Variants in PRKCQ observed in about 807,000 individuals in gnomAD.
The protein encoded by PRKCQ is protein kinase C theta, also known as protein kinase C theta type.
Under a neutral mutation model 91.2 loss-of-function variants are expected in PRKCQ, and 41 were observed. The ratio of observed to expected loss-of-function variants is 0.45; its 90% CI spans 0.35 to 0.58. The LOEUF is 0.58. Among genes scored for constraint, PRKCQ ranks in the 20% least tolerant of loss-of-function variants. The pLI is 0.00. For synonymous variants in PRKCQ, 307 were observed against 316.9 expected, an observed-to-expected ratio of 0.97 and a Z score of 0.33; for missense variants, 673 against 896.5, an observed-to-expected ratio of 0.75 and a Z score of 3.18.
chr10:6,423,658 C>A (rs1360147116), downstream of PRKCQ, among the ~76,000 whole-genome samples: 4 of 152,222 alleles, frequency 2.6e-5, no homozygotes, highest in African/African-American at 9.6e-5. Context: ...GTCACCCACA[C>A]TGCGGTGGCA....
intron 15 of PRKCQ, among the ~76,000 whole-genome samples, chr10:6,443,813 A>G (rs1368944664): frequency 6.6e-6 from 1 of 152,196 alleles, no homozygotes; most frequent in African/African-American, 2.4e-5. Flanking sequence ...GGAAAGACAA[A>G]TACTGAATGA....
intron 14 of PRKCQ, among the ~76,000 whole-genome samples, chr10:6,459,050 C>T (rs749942495): frequency 6.6e-6 from 1 of 152,250 alleles, no homozygotes; most frequent in East Asian, 1.9e-4. Context: ...GCAGCCTTGC[C>T]CCTGAAGCTG....
intron 1 of PRKCQ, among the ~76,000 whole-genome samples, chr10:6,560,670 A>G (rs1840594104): frequency 6.6e-6 from 1 of 152,250 alleles, no homozygotes; most frequent in African/African-American, 2.4e-5. Context: ...ATTTGGTCAA[A>G]TATAAATAAT....
In PRKCQ at chr10:6,483,540, G is replaced by A. The variant is rs1836730992; in HGVS notation, c.1079C>T (p.Pro360Leu). 1 of 1,614,056 alleles carries A rather than the reference G, an allele frequency of 6.2e-7. No homozygotes were observed. The highest frequency in any genetic ancestry group is 1.3e-5 in the African/African-American group (1 of 74,912). The stretch of plus-strand genomic sequence containing the variant: ...TCTTTCTTTGTTCAGTTCAGGTTCT[G>A]GAAGATGGCACATTTTATCCACCTC... Reference protein sequence around the residue: ...LDEVDKMCHLPEPELNKERPS... With the variant: ...LDEVDKMCHLLEPELNKERPS... The change falls in exon 11 of 18, where the codon CCA becomes CTA. Residue 360 changes from proline to leucine, a missense_variant. Physicochemically the swap from Pro to Leu is moderately conservative, Grantham distance 98. Transcript: ENST00000263125.
chr10:6,534,727 C>G lies in PRKCQ; in HGVS notation c.-9-19583G>C, dbSNP rs191622692. On this transcript the variant is annotated intron_variant, in intron 1 of 17. Transcript: ENST00000263125. ...ACCAGTGGCTTATTACTTATTGAAA[C>G]AAAGATATTTACAGAATATACTTAA... Among the ~76,000 whole-genome samples the G allele has an allele frequency of 6.7e-3, 986 of 146,650 alleles. 8 individuals are homozygous for G. The highest frequency in any genetic ancestry group is 0.034 in the Middle Eastern group (9 of 268).
chr10:6,441,305 G>T (rs948143645), intron 16 of PRKCQ, among the ~76,000 whole-genome samples: 2 of 152,078 alleles, frequency 1.3e-5, no homozygotes, highest in African/African-American at 4.8e-5. Flanking sequence ...ACTATGCCTG[G>T]CTAATTTTGT....
intron 1 of PRKCQ, among the ~76,000 whole-genome samples, chr10:6,563,711 A>T (rs1840720507): frequency 6.6e-6 from 1 of 152,072 alleles, no homozygotes; most frequent in African/African-American, 2.4e-5. Flanking sequence ...CCACTCTGTC[A>T]TTTACCTATA....
At position 6,512,383 on chromosome 10, in the gene PRKCQ, C is replaced by T. The variant is rs1203948751; in HGVS notation, c.119-1189G>A. ...GTGAGTAAAGGCAGGTAGGCAGGAG[C>T]CCTGGAAATAGTAACAAATCTGTAG... is the stretch of plus-strand genomic sequence containing the variant. On this transcript the variant is annotated intron_variant, in intron 2 of 17. Transcript: ENST00000263125. Among the ~76,000 whole-genome samples the T allele has an allele frequency of 3.3e-5, 5 of 152,308 alleles. No homozygotes were observed. The East Asian group carries it at 9.6e-4, about 29-fold the overall frequency.
intron 12 of PRKCQ, among the ~76,000 whole-genome samples, chr10:6,473,647 G>A (rs1028136604): frequency 1.1e-4 from 17 of 152,198 alleles, no homozygotes; most frequent in Admixed American, 4.6e-4. Flanking sequence ...TGTGGTTTCC[G>A]TGGGTTTTCT....
At position 6,441,933 on chromosome 10, in the gene PRKCQ, G is replaced by A. The variant is rs755445679; in HGVS notation, c.1796C>T (p.Pro599Leu). Residue 599 changes from proline to leucine, a missense_variant, in exon 16 of 18, where the codon CCA becomes CTA. Coordinates refer to ENST00000263125, the MANE Select transcript of PRKCQ (RefSeq NM_006257.5). ...CTTTGCTTCCTTCTCCAGCCACCGT[G>A]GGTAAAAGGGATTGTCCATGCGGAT... The part of the protein sequence containing the change: ...HSIRMDNPFY[P>L]RWLEKEAKDL... The A allele has an allele frequency of 5.0e-6, 8 of 1,612,836 alleles. No individual in the cohort carries two copies. The highest frequency in any genetic ancestry group is 2.7e-5 in the African/African-American group (2 of 74,882).
the PRKCQ span, among the ~76,000 whole-genome samples, chr10:6,396,294 C>T: frequency 1.3e-5 from 2 of 152,188 alleles, no homozygotes; most frequent in African/African-American, 2.4e-5. Context: ...ATACAATTCA[C>T]ACAGCGTAAC....
At chr10:6,572,542 T>C (rs1167257502) in intron 1 of PRKCQ, among the ~76,000 whole-genome samples, 1 of 152,218 alleles carries the variant, frequency 6.6e-6, no homozygotes, top group Non-Finnish European at 1.5e-5. Flanking sequence ...GCTCTATCCA[T>C]GTCCCTGCAA....
rs1011782799 is a variant in PRKCQ at position 6,519,953 on chromosome 10, G to A, written c.-9-4809C>T. Among the ~76,000 whole-genome samples, 155 of 152,086 alleles carry A rather than the reference G, an allele frequency of 1.0e-3. 3 individuals are homozygous for A. The highest frequency in any genetic ancestry group is 2.6e-4 in the Non-Finnish European group (18 of 68,032). ...TACACGCCAAAGACTGTCTCTTCCC[G>A]GTGTGCAAACTGATATTGCCAATAA... On this transcript the variant is annotated intron_variant, in intron 1 of 17. Coordinates refer to ENST00000263125, the MANE Select transcript of PRKCQ (RefSeq NM_006257.5).
chr10:6,578,910 G>A (rs1841342127), intron 1 of PRKCQ, among the ~76,000 whole-genome samples: 1 of 152,126 alleles, frequency 6.6e-6, no homozygotes, highest in Non-Finnish European at 1.5e-5. Flanking sequence ...GGGTGGGGTG[G>A]GGGACCCAGG....
At chr10:6,431,510 G>A (rs991007172) in intron 16 of PRKCQ, among the ~76,000 whole-genome samples, 1 of 152,060 alleles carries the variant, frequency 6.6e-6, no homozygotes, top group Non-Finnish European at 1.5e-5. Context: ...GTGAGCACAC[G>A]CACACGGACA....
chr10:6,433,882 T>A (rs1833542954), intron 16 of PRKCQ, among the ~76,000 whole-genome samples: 1 of 151,636 alleles, frequency 6.6e-6, no homozygotes, highest in South Asian at 2.1e-4. Flanking sequence ...AATACAAAAA[T>A]TAGCCGGGTG....
intron 2 of PRKCQ, among the ~76,000 whole-genome samples, chr10:6,512,491 G>A (rs1195048317): frequency 2.6e-5 from 4 of 152,226 alleles, no homozygotes; most frequent in African/African-American, 7.2e-5. Flanking sequence ...GTTTTTTCTT[G>A]TCTTTCACGC....
chr10:6,578,169 C>T (rs1448783945), intron 1 of PRKCQ, among the ~76,000 whole-genome samples: 1 of 152,190 alleles, frequency 6.6e-6, no homozygotes, highest in African/African-American at 2.4e-5. Context: ...TGTGAATAAT[C>T]GAACACCATC....
At chr10:6,577,587 G>A (rs1448731310) in intron 1 of PRKCQ, among the ~76,000 whole-genome samples, 3 of 152,012 alleles carry the variant, frequency 2.0e-5, no homozygotes, top group African/African-American at 7.3e-5. Flanking sequence ...ATATTGCTGG[G>A]ATTTTCATTA....
Sources: allele counts gnomAD v4.1 joint callset (sites outside exome capture counted in the v4.1 genomes callset), GRCh38; gene constraint gnomAD v4.1.1; transcripts MANE v1.5; gene names NCBI Gene and HGNC (gene_info 2026-07-23, HGNC 2026-07-21).